Variants in ZFP36L1 observed in about 807,000 individuals in gnomAD.
The protein encoded by ZFP36L1 is ZFP36 like 1 zinc finger CCCH-type.
A neutral mutation model predicts 16.7 loss-of-function variants in ZFP36L1; 4 were observed. The ratio of observed to expected loss-of-function variants is 0.24; its 90% confidence interval spans 0.12 to 0.55. The LOEUF is 0.55. Among genes scored for constraint, ZFP36L1 ranks in the 20% least tolerant of loss-of-function variants. The pLI is 0.94. For missense variants in ZFP36L1, 311 were observed against 449.2 expected, an observed-to-expected ratio of 0.69 and a Z score of 2.78; for synonymous variants, 220 against 190.8, an observed-to-expected ratio of 1.15 and a Z score of -1.26.
chr14:68,790,599 T>A, intron 1 of ZFP36L1, 107 bp from the exon 2 acceptor site: 2 of 1,457,894 alleles, frequency 1.4e-6, no homozygotes, highest in Non-Finnish European at 1.9e-6. Flanking sequence ...CTCAAAGAAC[T>A]CATCTCTACC....
upstream of ZFP36L1, chr14:68,793,335 TAAGAGG>T (rs1390786394): frequency 4.0e-6 from 4 of 1,009,336 alleles, no homozygotes; most frequent in Non-Finnish European, 4.7e-6. Flanking sequence ...TTTTTTTCTT[TAAGAGG>T]AAAAGTTTCA....
chr14:68,792,279 C>T (rs1198272576), intron 1 of ZFP36L1, among the ~76,000 whole-genome samples: 1 of 150,794 alleles, frequency 6.6e-6, no homozygotes, highest in Non-Finnish European at 1.5e-5. Flanking sequence ...CCAAAGTTTG[C>T]TGCACGATCG....
upstream of ZFP36L1, chr14:68,796,220 G>A (rs1408411804): frequency 5.9e-6 from 8 of 1,366,686 alleles, no homozygotes; most frequent in Non-Finnish European, 6.8e-6. Context: ...TGGTGGGGTG[G>A]GATGTTCGGT....
rs1489931008 is a variant in ZFP36L1 at position 68,788,520 on chromosome 14, G to C, written c.*1013C>G. The C allele has an allele frequency of 6.6e-6, 1 of 152,580 alleles. No homozygotes were observed. Among genetic ancestry groups the C allele is most frequent in the African/African-American group, 2.4e-5 (1 of 41,376 alleles). The allele number at this position is 152,580 out of a possible 1,614,324, so 9.5% of individuals were successfully genotyped here. ...GTATTCTAGAGCAAAAACCATTAAA[G>C]CTACTTCTACAGGAAATCGTTTTAC... On this transcript the variant is annotated 3_prime_UTR_variant, in exon 2 of 2. Transcript: ENST00000439696.
At chr14:68,793,632 A>G, upstream of ZFP36L1, 1 of 985,742 alleles carries the variant, frequency 1.0e-6, no homozygotes. Context: ...AACTTCCCCA[A>G]GTGTCTGCAC....
Position 68,789,842 on chromosome 14 carries a change from G to A in ZFP36L1, c.708C>T (p.Asp236=), listed in dbSNP as rs753564768. ...ITPPPILSAD[D]LLGSPTLPDG... is the part of the protein sequence containing the mutation. ...CGGGCAGGGTAGGTGAGCCCAGGAGGTCATCGGCGCTCAGAATAGGGGGTG... is the reference window on the plus strand; with the variant it reads ...CGGGCAGGGTAGGTGAGCCCAGGAGATCATCGGCGCTCAGAATAGGGGGTG... The change falls in exon 2 of 2, where the codon GAC becomes GAT. Residue 236 remains aspartate, a synonymous_variant. Transcript: ENST00000439696. The surrounding 1 kb of genome is among the most constrained non-coding windows in gnomAD (Gnocchi z 4.5). The A allele has an allele frequency of 6.2e-6, 10 of 1,611,384 alleles. No individual in the cohort carries two copies. Among genetic ancestry groups the A allele is most frequent in the Non-Finnish European group, 8.5e-6 (10 of 1,180,020 alleles).
At chr14:68,792,668 T>G (rs1005768550) in intron 1 of ZFP36L1, among the ~76,000 whole-genome samples, 1 of 152,000 alleles carries the variant, frequency 6.6e-6, no homozygotes, top group Non-Finnish European at 1.5e-5. Flanking sequence ...GGCCTCCAGA[T>G]TCACATGTAA....
Position 68,789,688 on chromosome 14 carries a change from T to C in ZFP36L1, c.862A>G (p.Met288Val). 1 of 1,613,720 alleles carries C rather than the reference T, an allele frequency of 6.2e-7. No individual in the cohort carries two copies. The highest frequency in any genetic ancestry group is 8.5e-7 in the Non-Finnish European group (1 of 1,179,876). Residue 288 changes from methionine to valine, a missense_variant, in exon 2 of 2, where the codon ATG (methionine) becomes GTG (valine). Around this residue, in one of 4 missense-constraint regions of ZFP36L1, gnomAD observed 147 missense variants for 192.0 expected, o/e 0.77. Transcript: ENST00000439696. This position sits in a 1 kb window ranked among gnomAD's most constrained non-coding sequence, Gnocchi z 4.5. ...LFRPMSESPH[M>V]FDSPPSPQDS... ...TGAGGGCTGGGGGGAGAGTCAAACA[T>C]GTGAGGGGACTCGGACATGGGCCGG...
intron 1 of ZFP36L1, 124 bp from the exon 2 acceptor site, chr14:68,790,616 C>T: frequency 7.4e-7 from 1 of 1,349,676 alleles, no homozygotes. Context: ...TACCTCGGCT[C>T]TAGCAAGCTC....
At position 68,790,445 on chromosome 14, in the gene ZFP36L1, C is replaced by T; in HGVS notation, c.105G>A (p.Leu35=). The T allele has an allele frequency of 6.2e-7, 1 of 1,614,112 alleles. No homozygotes were observed. The highest frequency in any genetic ancestry group is 1.1e-5 in the South Asian group (1 of 91,076). The change falls in exon 2 of 2, where the codon CTG becomes CTA. Residue 35 remains leucine, a synonymous_variant. Coordinates refer to ENST00000439696, the MANE Select transcript of ZFP36L1 (RefSeq NM_004926.4). Reference sequence around the variant, plus strand: ...GGGTGCCCACTGCCTTTCTGTCCAGCAGGCAACCCCCTGCACTGGGAGCAC... The same window carrying T: ...GGGTGCCCACTGCCTTTCTGTCCAGTAGGCAACCCCCTGCACTGGGAGCAC... The part of the protein sequence containing the change: ...NYSAPSAGGC[L]LDRKAVGTPA...
chr14:68,789,227 CG>C lies in ZFP36L1; in HGVS notation c.*305del, dbSNP rs1372554447. On this transcript the variant is annotated 3_prime_UTR_variant, in exon 2 of 2. Transcript: ENST00000439696. This position sits in a 1 kb window ranked among gnomAD's most constrained non-coding sequence, Gnocchi z 4.5. Reference sequence around the variant, plus strand: ...GTGATTTGGCACTTAAGGCTTAAGCCGGAAAAAAAAAGGCATCTACTGACAA... The same window carrying C: ...GTGATTTGGCACTTAAGGCTTAAGCCGAAAAAAAAAGGCATCTACTGACAA... 2.9e-5 allele frequency: 10 copies of C among 350,780 alleles called. No homozygotes were observed. The East Asian group carries it at 4.7e-4, about 17-fold the overall frequency. The allele number at this position is 350,780 out of a possible 1,614,324, so 21.7% of individuals were successfully genotyped here. A position where few individuals can be genotyped will look rare whatever the true frequency, so the allele number is the denominator to read the frequency against.
upstream of ZFP36L1, chr14:68,793,983 G>A: frequency 1.0e-6 from 1 of 957,542 alleles, no homozygotes; most frequent in Non-Finnish European, 1.2e-6. Flanking sequence ...GTTTTACCAG[G>A]CCTAGGCGTG....
At position 68,789,362 on chromosome 14, in the gene ZFP36L1, G is replaced by C; in HGVS notation, c.*171C>G. On this transcript the variant is annotated 3_prime_UTR_variant, in exon 2 of 2. Coordinates refer to ENST00000439696, the MANE Select transcript of ZFP36L1 (RefSeq NM_004926.4). This position sits in a 1 kb window ranked among gnomAD's most constrained non-coding sequence, Gnocchi z 4.5. ...ATTGACTTGTCCTTATGTTAGGTGGGGTTATGAGGGGGAGAGGGAGGGCAC... is the reference window on the plus strand; with the variant it reads ...ATTGACTTGTCCTTATGTTAGGTGGCGTTATGAGGGGGAGAGGGAGGGCAC... 1.1e-6 allele frequency: 1 copy of C among 931,064 alleles called. No individual in the cohort carries two copies. Among genetic ancestry groups the C allele is most frequent in the Non-Finnish European group, 1.6e-6 (1 of 634,208 alleles). 57.7% of individuals were successfully genotyped at this position (931,064 alleles called of 1,614,324 possible).
rs1011551304 is a variant in ZFP36L1 at position 68,789,908 on chromosome 14, G to T, written c.642C>A (p.Ala214=). Residue 214 remains alanine (A), a synonymous_variant, in exon 2 of 2, where the codon GCC becomes GCA. Transcript: ENST00000439696. This position sits in a 1 kb window ranked among gnomAD's most constrained non-coding sequence, Gnocchi z 4.5. ...FAGFPSAAAT[A]AATGLLDSPT... ...GGCTGTCCAGCAGCCCGGTGGCAGCGGCGGTGGCAGCGGCACTGGGAAACC... is the reference window on the plus strand; with the variant it reads ...GGCTGTCCAGCAGCCCGGTGGCAGCTGCGGTGGCAGCGGCACTGGGAAACC... The T allele has an allele frequency of 1.2e-6, 2 of 1,609,150 alleles. No individual in the cohort carries two copies. The highest frequency in any genetic ancestry group is 2.2e-5 in the East Asian group (1 of 44,886).
At chr14:68,792,684 G>A (rs1441926860) in intron 1 of ZFP36L1, among the ~76,000 whole-genome samples, 198 bp downstream of exon 1, 1 of 151,992 alleles carries the variant, frequency 6.6e-6, no homozygotes, top group East Asian at 1.9e-4. Flanking sequence ...TGTAATCCCC[G>A]CCAGCAACTG....
upstream of ZFP36L1, chr14:68,794,122 T>A (rs1594719500): frequency 5.6e-6 from 1 of 177,670 alleles, no homozygotes; most frequent in Non-Finnish European, 1.1e-5. Context: ...CTCCGAATTC[T>A]GGGCGGCGCC....
chr14:68,795,269 C>T (rs1895217959), upstream of ZFP36L1, among the ~76,000 whole-genome samples: 1 of 152,252 alleles, frequency 6.6e-6, no homozygotes, highest in East Asian at 1.9e-4. Context: ...GAAGCTATTT[C>T]GGTTTTTTAT....
At chr14:68,791,290 A>C (rs1895062708) in intron 1 of ZFP36L1, 11 of 527,826 alleles carry the variant, frequency 2.1e-5, no homozygotes, top group Non-Finnish European at 3.7e-5. Context: ...TCCAGTGTTT[A>C]ATCTTTAACG....
Position 68,789,648 on chromosome 14 carries a change from TC to T in ZFP36L1, c.901del (p.Asp301ThrfsTer6). 6.2e-7 allele frequency: 1 copy of T among 1,613,698 alleles called. No individual in the cohort carries two copies. Among genetic ancestry groups the T allele is most frequent in the Non-Finnish European group, 8.5e-7 (1 of 1,179,794 alleles). ...GGAGCTGCTCAGGTAGCCCTCCTGG[TC>T]CGAGAGAGAATCCTGAGGGCTGGGG... is the stretch of plus-strand genomic sequence containing the variant. The part of the protein sequence containing the change: ...SPPSPQDSLS[D>X]QEGYLSSSSS... On this transcript the variant is annotated frameshift_variant, in exon 2 of 2. Transcript: ENST00000439696. LOFTEE classifies it high-confidence loss of function. This position sits in a 1 kb window ranked among gnomAD's most constrained non-coding sequence, Gnocchi z 4.5.
Sources: allele counts gnomAD v4.1 joint callset (sites outside exome capture counted in the v4.1 genomes callset), GRCh38; gene constraint gnomAD v4.1.1; regional missense constraint gnomAD v4.1.1; non-coding constraint Gnocchi (gnomAD v3.1); transcripts MANE v1.5; gene names NCBI Gene and HGNC (gene_info 2026-07-23, HGNC 2026-07-21).